PIK3R3: variants seen among roughly 807,000 people sequenced by gnomAD.
PIK3R3 encodes the protein phosphoinositide-3-kinase regulatory subunit 3.
A neutral mutation model predicts 62.9 loss-of-function variants in PIK3R3; 64 were observed. The observed-to-expected ratio is 1.02, with a 90% CI of 0.83 to 1.25. The LOEUF is 1.25. Ranked by LOEUF, PIK3R3 falls within the 50% of genes most tolerant of loss-of-function variation. The probability of loss-of-function intolerance (pLI) is 0.00; values close to 1 mark genes in which losing one functional copy is unlikely to be tolerated. For missense variants in PIK3R3, 614 were observed against 561.6 expected, an observed-to-expected ratio of 1.09 and a Z score of -0.94; for synonymous variants, 165 against 189.0, an observed-to-expected ratio of 0.87 and a Z score of 1.04.
chr1:46,120,527 C>T (rs1174140806), intron 1 of PIK3R3, among the ~76,000 whole-genome samples: 1 of 152,080 alleles, frequency 6.6e-6, no homozygotes, highest in Admixed American at 6.5e-5. Context: ...GAGCTGAGAT[C>T]GTGCCACTGC....
At chr1:46,052,092 C>A (rs988990422) in intron 7 of PIK3R3, among the ~76,000 whole-genome samples, 1 of 151,760 alleles carries the variant, frequency 6.6e-6, no homozygotes, top group African/African-American at 2.4e-5. Flanking sequence ...GAGCTGAGAT[C>A]GCGCCACTGC....
intron 3 of PIK3R3, among the ~76,000 whole-genome samples, chr1:46,076,816 T>C (rs1363228638): frequency 6.6e-6 from 1 of 152,202 alleles, no homozygotes; most frequent in Non-Finnish European, 1.5e-5. Context: ...ATAAGGTTGT[T>C]GTGAAGAATA....
At chr1:46,048,423 T>C (rs1225646197) in intron 7 of PIK3R3, 2 of 152,210 alleles carry the variant, frequency 1.3e-5, no homozygotes, top group Admixed American at 1.3e-4. Context: ...ATAGATAATA[T>C]GTGATCTTGA....
intron 1 of PIK3R3, among the ~76,000 whole-genome samples, chr1:46,100,218 C>A (rs1237338453): frequency 6.6e-6 from 1 of 152,126 alleles, no homozygotes; most frequent in Non-Finnish European, 1.5e-5. Flanking sequence ...ATCCTTTCTA[C>A]CTTCCCTGCC....
chr1:46,120,116 C>A (rs566590461), intron 1 of PIK3R3, among the ~76,000 whole-genome samples: 49 of 152,304 alleles, frequency 3.2e-4, no homozygotes, highest in African/African-American at 1.1e-3. Context: ...CTCTTACACT[C>A]ATTTACTTGC....
rs1707304 is a variant in PIK3R3 at position 46,132,597 on chromosome 1, C to A, written c.-645G>T. ...GCTCCCGCCGGGGTGTAAGAACCAA[C>A]CCGACCGCACCAACTGCCCTCAAGC... On this transcript the variant is annotated 5_prime_UTR_variant, in exon 1 of 10. Coordinates refer to ENST00000262741, the MANE Select transcript of PIK3R3 (RefSeq NM_003629.4). The A allele has an allele frequency of 0.44, 571,974 of 1,288,386 alleles. 127,773 individuals carry two copies. The highest frequency in any genetic ancestry group is 0.63 in the East Asian group (11,225 of 17,854). The allele number at this position is 1,288,386 out of a possible 1,614,324, so 79.8% of individuals were successfully genotyped here. A position where few individuals can be genotyped will look rare whatever the true frequency, so the allele number is the denominator to read the frequency against.
intron 1 of PIK3R3, among the ~76,000 whole-genome samples, chr1:46,106,332 T>C (rs2149448449): frequency 6.6e-6 from 1 of 152,276 alleles, no homozygotes; most frequent in African/African-American, 2.4e-5. Flanking sequence ...CTCAAAATCC[T>C]GGGCTCAAGT....
rs1647864382 is a variant in PIK3R3, at chr1:46,055,984, T to G, written c.765-13A>C. ...ATTCATCATAATTCTGTAAAAATAT[T>G]TGACATGTTAAGGCTAAAATAGAAA... is the stretch of plus-strand genomic sequence containing the variant. On this transcript the variant is annotated splice_polypyrimidine_tract_variant and intron_variant, in intron 6 of 9. Transcript: ENST00000262741. 1.3e-6 allele frequency: 2 copies of G among 1,561,470 alleles called. No individual in the cohort carries two copies. Among genetic ancestry groups the G allele is most frequent in the Non-Finnish European group, 1.7e-6 (2 of 1,148,596 alleles).
chr1:46,078,816 A>G (rs549745058), intron 2 of PIK3R3, among the ~76,000 whole-genome samples: 1 of 152,354 alleles, frequency 6.6e-6, no homozygotes, highest in African/African-American at 2.4e-5. Flanking sequence ...ATTCTGACAC[A>G]TGCTACAACA....
intron 1 of PIK3R3, among the ~76,000 whole-genome samples, chr1:46,115,899 G>C (rs928416524): frequency 6.6e-6 from 1 of 152,156 alleles, no homozygotes; most frequent in African/African-American, 2.4e-5. Context: ...GAGTTTAATG[G>C]GAGACAGGTA....
At chr1:46,079,811 G>C (rs1465097656) in intron 2 of PIK3R3, among the ~76,000 whole-genome samples, 2 of 151,806 alleles carry the variant, frequency 1.3e-5, no homozygotes, top group African/African-American at 4.8e-5. Context: ...AAAACTAGCA[G>C]GGTATGGTGA....
At chr1:46,108,324 G>A (rs1653401766) in intron 1 of PIK3R3, among the ~76,000 whole-genome samples, 2 of 152,106 alleles carry the variant, frequency 1.3e-5, no homozygotes, top group African/African-American at 2.4e-5. Context: ...GCTCCCTATG[G>A]TTCTTTTGCC....
intron 2 of PIK3R3, 27 bp from the exon 3 acceptor site, chr1:46,077,640 G>T: frequency 6.9e-7 from 1 of 1,439,714 alleles, no homozygotes; most frequent in Non-Finnish European, 9.8e-7. Context: ...TAAGAAAAAT[G>T]AAAAAATGTC....
chr1:46,140,831 C>T, the PIK3R3 span, among the ~76,000 whole-genome samples: 1 of 151,674 alleles, frequency 6.6e-6, no homozygotes, highest in African/African-American at 2.4e-5. Flanking sequence ...TTTTTTTGTT[C>T]TTTGTTTTTT....
chr1:46,045,278 A>G (rs1272676128), intron 9 of PIK3R3, among the ~76,000 whole-genome samples: 1 of 152,192 alleles, frequency 6.6e-6, no homozygotes, highest in Non-Finnish European at 1.5e-5. Context: ...TGGCACCATC[A>G]TAACTCTTTT....
At chr1:46,141,561 G>A in the PIK3R3 span, among the ~76,000 whole-genome samples, 55 of 152,294 alleles carry the variant, frequency 3.6e-4, no homozygotes, top group East Asian at 7.7e-3. Context: ...GTGAGCCACC[G>A]CGTCCAGCCT....
At chr1:46,114,953 T>C (rs775914765) in intron 1 of PIK3R3, among the ~76,000 whole-genome samples, 8 of 151,944 alleles carry the variant, frequency 5.3e-5, no homozygotes, top group Non-Finnish European at 1.0e-4. Flanking sequence ...GTAGTTCTAA[T>C]GCACACTCAA....
intron 1 of PIK3R3, among the ~76,000 whole-genome samples, chr1:46,121,440 T>C (rs1375813742): frequency 6.6e-6 from 1 of 152,174 alleles, no homozygotes; most frequent in South Asian, 2.1e-4. Flanking sequence ...AAGACCTTTT[T>C]CAGAGCAATT....
chr1:46,159,253 C>G, the PIK3R3 span, among the ~76,000 whole-genome samples: 1 of 152,184 alleles, frequency 6.6e-6, no homozygotes, highest in East Asian at 1.9e-4. Flanking sequence ...TTTTCAGTCT[C>G]TTTCCACTAG....
Sources: gnomAD v4.1 joint callset for allele counts (sites outside exome capture counted in the v4.1 genomes callset) on GRCh38, gnomAD v4.1.1 for gene constraint, MANE v1.5 for transcripts, NCBI Gene and HGNC (gene_info 2026-07-23, HGNC 2026-07-21) for gene names.